GNAQ: variants seen among roughly 807,000 people sequenced by gnomAD.
GNAQ encodes guanine nucleotide-binding protein G(q) subunit alpha.
Under a neutral mutation model 43.9 loss-of-function variants are expected in GNAQ, and 8 were observed. The ratio of observed to expected loss-of-function variants is 0.18; its 90% CI spans 0.11 to 0.33. GNAQ has a LOEUF of 0.33. GNAQ is among the 10% of genes least tolerant of loss of function. GNAQ has a pLI of 1.00. For synonymous variants in GNAQ, 155 were observed against 170.7 expected, an observed-to-expected ratio of 0.91 and a Z score of 0.71; for missense variants, 158 against 450.8, an observed-to-expected ratio of 0.35 and a Z score of 5.88.
chr9:77,927,311 T>C (rs1055062835), intron 1 of GNAQ, among the ~76,000 whole-genome samples: 2 of 152,348 alleles, frequency 1.3e-5, no homozygotes, highest in Admixed American at 1.3e-4. Flanking sequence ...GGTAATAAAT[T>C]AGCATTTATT....
intron 2 of GNAQ, among the ~76,000 whole-genome samples, chr9:77,881,195 AC>A (rs897205481): frequency 2.1e-4 from 32 of 150,278 alleles, no homozygotes; most frequent in Non-Finnish European, 3.6e-4. Context: ...TTTATGCCGC[AC>A]CCCCCCCAAA....
chr9:77,921,917 C>T (rs928667310), intron 2 of GNAQ, among the ~76,000 whole-genome samples: 1 of 152,118 alleles, frequency 6.6e-6, no homozygotes, highest in Non-Finnish European at 1.5e-5. Flanking sequence ...CCAAATATGC[C>T]TTTCATTGAT....
At chr9:77,742,725 C>T (rs1282527462) in intron 5 of GNAQ, among the ~76,000 whole-genome samples, 2 of 152,070 alleles carry the variant, frequency 1.3e-5, no homozygotes, top group African/African-American at 4.8e-5. Flanking sequence ...CTAACAGAAA[C>T]ATACAAATCA....
At chr9:78,030,888 T>C (rs1396142059) in intron 1 of GNAQ, among the ~76,000 whole-genome samples, 2 of 21,982 alleles carry the variant, frequency 9.1e-5, no homozygotes, top group Non-Finnish European at 1.7e-4. Flanking sequence ...TGTGTGTCGC[T>C]GTGTGTGTGT....
intron 5 of GNAQ, among the ~76,000 whole-genome samples, chr9:77,790,659 T>A (rs541840388): frequency 6.0e-4 from 91 of 152,190 alleles, no homozygotes; most frequent in Non-Finnish European, 1.3e-3. Context: ...TCATTCTACT[T>A]CCACCCTCTT....
chr9:77,789,626 C>T, intron 5 of GNAQ, among the ~76,000 whole-genome samples: 1 of 151,994 alleles, frequency 6.6e-6, no homozygotes, highest in Non-Finnish European at 1.5e-5. Context: ...GAATAACCAT[C>T]CAAATAATAA....
chr9:77,728,911 C>T (rs1825442230), intron 5 of GNAQ, among the ~76,000 whole-genome samples: 1 of 152,144 alleles, frequency 6.6e-6, no homozygotes, highest in African/African-American at 2.4e-5. Flanking sequence ...GCTAAAATAG[C>T]TCTTACGGTT....
intron 2 of GNAQ, among the ~76,000 whole-genome samples, chr9:77,816,667 T>A (rs1215798776): frequency 1.3e-5 from 2 of 151,992 alleles, no homozygotes; most frequent in African/African-American, 4.8e-5. Context: ...TAAGCACAAA[T>A]AACTAATTGT....
intron 1 of GNAQ, among the ~76,000 whole-genome samples, chr9:77,968,607 C>T (rs1411759369): frequency 6.6e-6 from 1 of 152,244 alleles, no homozygotes; most frequent in African/African-American, 2.4e-5. Flanking sequence ...TTCCCAGACA[C>T]TATCTCAAAT....
intron 5 of GNAQ, among the ~76,000 whole-genome samples, chr9:77,743,286 C>A (rs570294203): frequency 4.0e-5 from 6 of 151,566 alleles, no homozygotes; most frequent in Admixed American, 2.0e-4. Flanking sequence ...AACAAACAAA[C>A]AAAAAAAACA....
At chr9:77,754,339 T>C (rs1012158041) in intron 5 of GNAQ, among the ~76,000 whole-genome samples, 3 of 152,230 alleles carry the variant, frequency 2.0e-5, no homozygotes, top group African/African-American at 7.2e-5. Context: ...CCCTGTTCAC[T>C]AGCATCCCAA....
chr9:78,012,949 T>C (rs1306038822), intron 1 of GNAQ, among the ~76,000 whole-genome samples: 1 of 152,128 alleles, frequency 6.6e-6, no homozygotes, highest in Admixed American at 6.5e-5. Flanking sequence ...AAAGATCACA[T>C]TGGCTGCAAG....
chr9:78,031,328 T>G lies in GNAQ; in HGVS notation c.-93A>C, dbSNP rs2118633103. 4.1e-5 allele frequency: 41 copies of G among 994,122 alleles called. No homozygotes were observed. The highest frequency in any genetic ancestry group is 4.2e-4 in the Middle Eastern group (1 of 2,406). 61.6% of individuals were successfully genotyped at this position (994,122 alleles called of 1,614,324 possible). On this transcript the variant is annotated 5_prime_UTR_variant, in exon 1 of 7. Coordinates refer to ENST00000286548, the MANE Select transcript of GNAQ (RefSeq NM_002072.5). ...CGCCCTCGCTCCCCCGAGGCAGCGG[T>G]GGCCGCCGAGCCCCCGCCGCCCGGG...
chr9:77,958,596 A>G (rs904451864), intron 1 of GNAQ, among the ~76,000 whole-genome samples: 1 of 152,234 alleles, frequency 6.6e-6, no homozygotes, highest in Non-Finnish European at 1.5e-5. Context: ...TTTAGGTTAA[A>G]TTATTTGCTA....
chr9:77,835,201 T>A (rs1356801858), intron 2 of GNAQ, among the ~76,000 whole-genome samples: 1 of 152,026 alleles, frequency 6.6e-6, no homozygotes, highest in Non-Finnish European at 1.5e-5. Context: ...AACCGTTTAT[T>A]TCTGGATTTC....
chr9:77,913,740 C>T (rs1828847742), intron 2 of GNAQ, among the ~76,000 whole-genome samples: 2 of 152,078 alleles, frequency 1.3e-5, no homozygotes, highest in African/African-American at 4.8e-5. Flanking sequence ...GGTCATCCTT[C>T]GGAACTTGGG....
At chr9:77,932,419 T>G (rs940690707) in intron 1 of GNAQ, among the ~76,000 whole-genome samples, 1 of 152,162 alleles carries the variant, frequency 6.6e-6, no homozygotes, top group African/African-American at 2.4e-5. Flanking sequence ...TGGAGATGAG[T>G]GCTATGCGCT....
chr9:77,967,008 C>T (rs1320050654), intron 1 of GNAQ, among the ~76,000 whole-genome samples: 3 of 152,196 alleles, frequency 2.0e-5, no homozygotes, highest in Non-Finnish European at 4.4e-5. Context: ...CAGTCTTTCT[C>T]AGAAACTCAT....
rs1564120114 is a variant in GNAQ, at chr9:77,819,029, A to AAAAAAAAAAAAAAAAAAAAAAAAAAAAG, written c.322-3260_322-3259insCTTTTTTTTTTTTTTTTTTTTTTTTTTT. 5.9e-5 allele frequency among the ~76,000 whole-genome samples: 7 copies of AAAAAAAAAAAAAAAAAAAAAAAAAAAAG among 119,184 alleles called. 3 individuals carry two copies. Among genetic ancestry groups the AAAAAAAAAAAAAAAAAAAAAAAAAAAAG allele is most frequent in the Non-Finnish European group, 8.9e-5 (5 of 55,984 alleles). The allele number at this position is 119,184 out of a possible 152,430, so 78.2% of individuals were successfully genotyped here. ...AAAAAAAAAAAAAAAAAAAAAAAAAACACCCAAAAATACCTAGTATGATTT... is the reference window on the plus strand; with the variant it reads ...AAAAAAAAAAAAAAAAAAAAAAAAAAAAAAAAAAAAAAAAAAAAAAAAAAAAAGCACCCAAAAATACCTAGTATGATTT... On this transcript the variant is annotated intron_variant, in intron 2 of 6. Coordinates refer to ENST00000286548, the MANE Select transcript of GNAQ (RefSeq NM_002072.5).
Sources: gnomAD v4.1 joint callset for allele counts (sites outside exome capture counted in the v4.1 genomes callset) on GRCh38, gnomAD v4.1.1 for gene constraint, MANE v1.5 for transcripts, NCBI Gene and HGNC (gene_info 2026-07-23, HGNC 2026-07-21) for gene names.